Variants in RBFOX1 observed in about 807,000 individuals in gnomAD.
The protein encoded by RBFOX1 is RNA binding protein fox-1 homolog 1.
In RBFOX1, 8 loss-of-function variants were observed where a neutral mutation model predicts 57.7. That is an observed-to-expected ratio of 0.14 (90% CI 0.08 to 0.25). The LOEUF is 0.25. Ranked by LOEUF, RBFOX1 falls within the 10% of genes least tolerant of loss-of-function variation. The pLI is 1.00. For synonymous variants in RBFOX1, 326 were observed against 222.4 expected (o/e 1.47, Z -4.15); for missense variants, 611 against 548.5 (o/e 1.11, Z -1.14).
At chr16:6,696,827 G>C (rs1026245580) in intron 3 of RBFOX1, among the ~76,000 whole-genome samples, 1 of 152,088 alleles carries the variant, frequency 6.6e-6, no homozygotes, top group African/African-American at 2.4e-5. Context: ...CATTTACATT[G>C]ATTTTCTTCA....
chr16:6,037,217 A>G (rs1168686182), intron 1 of RBFOX1: 2 of 152,204 alleles, frequency 1.3e-5, no homozygotes, highest in African/African-American at 2.4e-5. Flanking sequence ...ACCAAACCCC[A>G]TAAAACCACA....
At chr16:5,418,080 T>TCAACAA (rs58380992) in intron 1 of RBFOX1, among the ~76,000 whole-genome samples, 22,906 of 150,892 alleles carry the variant, frequency 0.15, 3,605 homozygotes, top group African/African-American at 0.4. Context: ...AAACTCCATC[T>TCAACAA]CAACAACAAC....
intron 3 of RBFOX1, among the ~76,000 whole-genome samples, chr16:6,902,537 C>T (rs2068744926): frequency 6.6e-6 from 1 of 152,136 alleles, no homozygotes; most frequent in South Asian, 2.1e-4. Context: ...GCCTAACCAA[C>T]ATGGTAATGC....
chr16:6,959,598 C>G lies in RBFOX1; in HGVS notation c.-15-92459C>G, dbSNP rs180930269. ...CTCCCTCAAGGCTGAACAGGCAGGC[C>G]TCTGTAACAACTGTTCCAGCACTGA... On this transcript the variant is annotated intron_variant, in intron 3 of 15. Transcript: ENST00000550418. Among the ~76,000 whole-genome samples the G allele has an allele frequency of 2.0e-3, 310 of 152,238 alleles. 2 individuals carry two copies. Among genetic ancestry groups the G allele is most frequent in the African/African-American group, 7.1e-3 (294 of 41,532 alleles).
At chr16:6,137,807 C>T (rs960614525) in intron 1 of RBFOX1, among the ~76,000 whole-genome samples, 1 of 151,914 alleles carries the variant, frequency 6.6e-6, no homozygotes, top group African/African-American at 2.4e-5. Flanking sequence ...CAGGTTCCCA[C>T]TATGTTGTCC....
At chr16:7,227,342 T>A (rs1324819726) in intron 4 of RBFOX1, among the ~76,000 whole-genome samples, 2 of 145,502 alleles carry the variant, frequency 1.4e-5, no homozygotes, top group African/African-American at 4.9e-5. Flanking sequence ...TTTGCTCTTT[T>A]CTTTCCCTGC....
intron 2 of RBFOX1, among the ~76,000 whole-genome samples, chr16:6,599,321 AG>A (rs2097819166): frequency 6.6e-6 from 1 of 152,168 alleles, no homozygotes; most frequent in African/African-American, 2.4e-5. Flanking sequence ...GCAGTCAGCC[AG>A]GGGTCCTCTA....
At chr16:7,084,258 G>T (rs1372957379) in intron 4 of RBFOX1, among the ~76,000 whole-genome samples, 2 of 152,076 alleles carry the variant, frequency 1.3e-5, no homozygotes, top group Admixed American at 6.6e-5. Context: ...ATGTGTGTGT[G>T]TGTATAGAGG....
At chr16:7,256,356 T>G (rs1000696974) in intron 4 of RBFOX1, among the ~76,000 whole-genome samples, 1 of 152,184 alleles carries the variant, frequency 6.6e-6, no homozygotes, top group Admixed American at 6.5e-5. Flanking sequence ...CCAGAAGTTC[T>G]GAGGTTTGGC....
chr16:6,135,619 T>C (rs1011662556), intron 1 of RBFOX1, among the ~76,000 whole-genome samples: 1 of 151,922 alleles, frequency 6.6e-6, no homozygotes, highest in African/African-American at 2.4e-5. Context: ...TCATTGCATT[T>C]AAGTGTAGGT....
chr16:7,364,387 G>A (rs1432248113), intron 4 of RBFOX1, among the ~76,000 whole-genome samples: 1 of 152,072 alleles, frequency 6.6e-6, no homozygotes, highest in Non-Finnish European at 1.5e-5. Context: ...ACTACATTAT[G>A]GTGCTAATTC....
chr16:6,089,397 C>G (rs2096137891), intron 1 of RBFOX1, among the ~76,000 whole-genome samples: 1 of 152,020 alleles, frequency 6.6e-6, no homozygotes, highest in African/African-American at 2.4e-5. Flanking sequence ...TTCAGATGCA[C>G]TAAAGAAATA....
chr16:5,355,778 C>T (rs1244154608), intron 1 of RBFOX1, among the ~76,000 whole-genome samples: 1 of 152,070 alleles, frequency 6.6e-6, no homozygotes, highest in Non-Finnish European at 1.5e-5. Context: ...AGCCCTAATC[C>T]AACATCTAGT....
intron 2 of RBFOX1, among the ~76,000 whole-genome samples, chr16:6,479,680 T>C (rs575676536): frequency 6.6e-6 from 1 of 152,226 alleles, no homozygotes; most frequent in South Asian, 2.1e-4. Flanking sequence ...ACTGCCCCCA[T>C]GATCCAATCA....
Position 6,146,946 on chromosome 16 carries a change from G to A in RBFOX1, c.-127+126954G>A, listed in dbSNP as rs116682862. 7.0e-3 allele frequency among the ~76,000 whole-genome samples: 1,058 copies of A among 152,170 alleles called. 18 individuals are homozygous for A. The highest frequency in any genetic ancestry group is 0.023 in the African/African-American group (971 of 41,518). The stretch of plus-strand genomic sequence containing the variant: ...TCACGTGGCTCTTCATGTTTATCTC[G>A]CCACAACATCCTTAGCTCCTCCTCC... On this transcript the variant is annotated intron_variant, in intron 1 of 15. Coordinates refer to ENST00000550418, the MANE Select transcript of RBFOX1 (RefSeq NM_018723.4).
At chr16:6,706,911 A>C (rs919465312) in intron 3 of RBFOX1, among the ~76,000 whole-genome samples, 1 of 152,112 alleles carries the variant, frequency 6.6e-6, no homozygotes, top group African/African-American at 2.4e-5. Context: ...CAATATTGCT[A>C]GTTGTTTGTA....
chr16:5,548,898 C>T (rs772851048), intron 2 of RBFOX1, among the ~76,000 whole-genome samples: 1 of 152,092 alleles, frequency 6.6e-6, no homozygotes, highest in Non-Finnish European at 1.5e-5. Context: ...GGCACAGGGG[C>T]ACTTCCGCAA....
At chr16:5,476,397 T>A (rs9929879) in intron 2 of RBFOX1, among the ~76,000 whole-genome samples, 2 of 152,174 alleles carry the variant, frequency 1.3e-5, no homozygotes, top group East Asian at 3.8e-4. Flanking sequence ...AATGCCTTCA[T>A]GTGATTGCAA....
intron 1 of RBFOX1, among the ~76,000 whole-genome samples, chr16:6,043,961 A>G (rs951776108): frequency 2.6e-5 from 4 of 152,260 alleles, no homozygotes; most frequent in African/African-American, 9.6e-5. Flanking sequence ...ATTTTGGCCC[A>G]GGGAAAATAA....
Sources: gnomAD v4.1 joint callset for allele counts (sites outside exome capture counted in the v4.1 genomes callset) on GRCh38, gnomAD v4.1.1 for gene constraint, MANE v1.5 for transcripts, NCBI Gene and HGNC (gene_info 2026-07-23, HGNC 2026-07-21) for gene names.